Variants in SEC24B observed in about 807,000 individuals in gnomAD.
SEC24B encodes SEC24 homolog B, COPII component, also known as protein transport protein Sec24B.
Under a neutral mutation model 142.8 loss-of-function variants are expected in SEC24B, and 45 were observed. The observed-to-expected ratio is 0.32, with a 90% CI of 0.25 to 0.40. The LOEUF (loss-of-function observed/expected upper bound fraction) is 0.40, where lower values mean the gene tolerates loss of function less well. Ranked by LOEUF, SEC24B falls within the 10% of genes least tolerant of loss-of-function variation. The pLI is 1.00. For synonymous variants in SEC24B, 574 were observed against 568.2 expected, an observed-to-expected ratio of 1.01 and a Z score of -0.15; for missense variants, 1,409 against 1,526.8, an observed-to-expected ratio of 0.92 and a Z score of 1.29.
chr4:109,526,795 A>T (rs114981701), intron 17 of SEC24B, among the ~76,000 whole-genome samples: 1,706 of 152,344 alleles, frequency 0.011, 26 homozygotes, highest in African/African-American at 0.039. Context: ...GATATAGCGT[A>T]TGTTCATACT....
rs749153257 is a variant in SEC24B, at chr4:109,462,945, C to A, written c.178C>A (p.His60Asn). The A allele has an allele frequency of 1.9e-6, 3 of 1,612,456 alleles. No homozygotes were observed. In the African/African-American group the frequency reaches 4.0e-5, roughly 22 times the overall value. ...GCAGGTTCCATCTGGATATGGATTGCATCATCAAAACTATATTGCTCCCTC... is the reference window on the plus strand; with the variant it reads ...GCAGGTTCCATCTGGATATGGATTGAATCATCAAAACTATATTGCTCCCTC... ...QMQVPSGYGL[H>N]HQNYIAPSGH... Residue 60 changes from histidine to asparagine, a missense_variant, in exon 2 of 24, where the codon CAT becomes AAT. By Grantham distance (68) the His-to-Asn change is moderately conservative (BLOSUM62 1). Around this residue, in one of 2 missense-constraint regions of SEC24B, gnomAD observed 709 missense variants for 673.5 expected, o/e 1.05. Transcript: ENST00000265175.
intron 22 of SEC24B, among the ~76,000 whole-genome samples, chr4:109,534,807 T>TG (rs1554012283): frequency 6.6e-6 from 1 of 152,132 alleles, no homozygotes; most frequent in African/African-American, 2.4e-5. Flanking sequence ...CCTGAGTAGC[T>TG]GGGACCACAG....
At chr4:109,458,586 T>G (rs1295779518) in intron 1 of SEC24B, among the ~76,000 whole-genome samples, 1 of 152,188 alleles carries the variant, frequency 6.6e-6, no homozygotes, top group South Asian at 2.1e-4. Context: ...AAATGGCAGA[T>G]AGAAAATTGA....
chr4:109,538,157 C>T (rs368899012), intron 22 of SEC24B, among the ~76,000 whole-genome samples: 2 of 152,008 alleles, frequency 1.3e-5, no homozygotes, highest in Non-Finnish European at 2.9e-5. Flanking sequence ...AATGGTATCC[C>T]CCTTCATTTG....
At chr4:109,530,223 T>C in intron 18 of SEC24B, 66 bp from the exon 19 acceptor site, 1 of 1,366,390 alleles carries the variant, frequency 7.3e-7, no homozygotes. Context: ...GCGTATAAAT[T>C]TTCTCTCTTA....
intron 6 of SEC24B, among the ~76,000 whole-genome samples, chr4:109,499,637 CA>C (rs1248599305): frequency 6.6e-6 from 1 of 152,304 alleles, no homozygotes; most frequent in African/African-American, 2.4e-5. Context: ...ACATTCCTGT[CA>C]ACTATTGACT....
At chr4:109,491,166 C>A (rs1734980896) in intron 4 of SEC24B, among the ~76,000 whole-genome samples, 161 bp from the exon 5 acceptor site, 1 of 152,128 alleles carries the variant, frequency 6.6e-6, no homozygotes, top group African/African-American at 2.4e-5. Context: ...AACAGAAATT[C>A]ATTGGTTTTT....
chr4:109,486,870 A>G (rs1734409717), intron 4 of SEC24B, among the ~76,000 whole-genome samples: 1 of 152,206 alleles, frequency 6.6e-6, no homozygotes, highest in South Asian at 2.1e-4. Flanking sequence ...TTACAGTACA[A>G]CTTGAAAAGT....
chr4:109,449,608 T>C (rs1729850809), intron 1 of SEC24B: 1 of 435,244 alleles, frequency 2.3e-6, no homozygotes, highest in East Asian at 7.2e-5. Flanking sequence ...GAGGGCCCTC[T>C]ATCCACCTTG....
intron 22 of SEC24B, 38 bp from the exon 23 acceptor site, chr4:109,538,455 G>GAGAAAGGA (rs755895533): frequency 7.1e-7 from 1 of 1,414,948 alleles, no homozygotes; most frequent in South Asian, 1.2e-5. Context: ...TGAAGTCTAT[G>GAGAAAGGA]AGAAAGGAAA....
intron 1 of SEC24B, among the ~76,000 whole-genome samples, chr4:109,442,964 A>T (rs1729079799): frequency 6.6e-6 from 1 of 152,190 alleles, no homozygotes. Flanking sequence ...ATATTAGAAT[A>T]ATCCAATGTT....
At chr4:109,439,480 T>C (rs1348051908) in intron 1 of SEC24B, among the ~76,000 whole-genome samples, 2 of 30,604 alleles carry the variant, frequency 6.5e-5, no homozygotes, top group Non-Finnish European at 1.1e-4. Flanking sequence ...GCTGATTTTT[T>C]TTTTTTTTTT....
In SEC24B at chr4:109,449,484, G is replaced by A. The variant is rs561635429; in HGVS notation, c.134-13417G>A. On this transcript the variant is annotated intron_variant, in intron 1 of 23. Coordinates refer to ENST00000265175, the MANE Select transcript of SEC24B (RefSeq NM_006323.5). ...TGGACCCAAGCAATCTGCCCGCCTC[G>A]GCCTCCCAAATTGCTGGGAGTACAG... 4.3e-4 allele frequency: 195 copies of A among 452,546 alleles called. 1 individual carries two copies. Among genetic ancestry groups the A allele is most frequent in the South Asian group, 2.8e-3 (179 of 64,364 alleles). The allele number at this position is 452,546 out of a possible 1,614,324, so 28.0% of individuals were successfully genotyped here.
chr4:109,491,465 C>G (rs1735014654), intron 5 of SEC24B, 58 bp downstream of exon 5: 2 of 1,312,946 alleles, frequency 1.5e-6, no homozygotes, highest in South Asian at 2.4e-5. Context: ...CATCAGTTGC[C>G]TTCAAATGTG....
intron 1 of SEC24B, among the ~76,000 whole-genome samples, chr4:109,461,527 A>G (rs1178704767): frequency 6.6e-6 from 1 of 152,234 alleles, no homozygotes; most frequent in Admixed American, 6.5e-5. Context: ...GAGGATTTAT[A>G]TATGCTAATA....
chr4:109,526,059 A>G (rs766319711), intron 16 of SEC24B, among the ~76,000 whole-genome samples, 167 bp from the exon 17 acceptor site: 18 of 152,144 alleles, frequency 1.2e-4, no homozygotes, highest in Non-Finnish European at 2.5e-4. Flanking sequence ...AACGTCCACT[A>G]GTTTTTTTGA....
chr4:109,449,399 T>TC (rs1344801159), intron 1 of SEC24B: 9 of 302,814 alleles, frequency 3.0e-5, no homozygotes, highest in Admixed American at 1.2e-4. Flanking sequence ...AATTTTTCTT[T>TC]TTTTTTTTTT....
intron 6 of SEC24B, among the ~76,000 whole-genome samples, chr4:109,497,555 CTTT>C (rs11413496): frequency 7.1e-6 from 1 of 141,512 alleles, no homozygotes; most frequent in African/African-American, 2.5e-5. Context: ...TCCCACCTTT[CTTT>C]TTTTTTTTTT....
intron 4 of SEC24B, among the ~76,000 whole-genome samples, chr4:109,482,029 C>A (rs1355697704): frequency 6.6e-6 from 1 of 152,182 alleles, no homozygotes; most frequent in Non-Finnish European, 1.5e-5. Flanking sequence ...AGAGTGCATT[C>A]TTCTTTCAGA....
Sources: allele counts gnomAD v4.1 joint callset (sites outside exome capture counted in the v4.1 genomes callset), GRCh38; gene constraint gnomAD v4.1.1; regional missense constraint gnomAD v4.1.1; transcripts MANE v1.5; gene names NCBI Gene and HGNC (gene_info 2026-07-23, HGNC 2026-07-21).